Variants in ZSWIM6 observed in about 807,000 individuals in gnomAD.
ZSWIM6 encodes the protein zinc finger SWIM domain-containing protein 6.
Under a neutral mutation model 113.2 loss-of-function variants are expected in ZSWIM6, and 9 were observed. The observed-to-expected ratio is 0.08, with a 90% CI of 0.05 to 0.14. The LOEUF is 0.14. ZSWIM6 is among the 10% of genes least tolerant of loss of function. The pLI is 1.00. For synonymous variants in ZSWIM6, 611 were observed against 606.5 expected, an observed-to-expected ratio of 1.01 and a Z score of -0.11; for missense variants, 1,162 against 1,552.2, an observed-to-expected ratio of 0.75 and a Z score of 4.22.
chr5:61,342,414 GCCATATGAGTTAGGGA>G (rs914138667), intron 1 of ZSWIM6, among the ~76,000 whole-genome samples: 6 of 152,122 alleles, frequency 3.9e-5, no homozygotes, highest in Admixed American at 2.6e-4. Flanking sequence ...TTTCTTAACA[GCCATATGAGTTAGGGA>G]CCATTATTGT....
rs750163289 is a variant in ZSWIM6 at position 61,544,339 on chromosome 5, G to C, written c.*22G>C. ...TTGATAGATCTTGTATGAATGGGGT[G>C]GGGGGTGGGGATGGGAGGGATGGTT... On this transcript the variant is annotated 3_prime_UTR_variant, in exon 14 of 14. Coordinates refer to ENST00000252744, the MANE Select transcript of ZSWIM6 (RefSeq NM_020928.2). The C allele has an allele frequency of 3.6e-5, 5 of 137,736 alleles. No homozygotes were observed. The highest frequency in any genetic ancestry group is 2.2e-4 in the South Asian group (1 of 4,480). The allele number at this position is 137,736 out of a possible 1,614,324, so 8.5% of individuals were successfully genotyped here.
At chr5:61,365,934 T>A (rs1158228493) in intron 1 of ZSWIM6, among the ~76,000 whole-genome samples, 2 of 152,290 alleles carry the variant, frequency 1.3e-5, no homozygotes, top group Admixed American at 6.5e-5. Context: ...TCTTTTTTTT[T>A]AAGATGGTCT....
At chr5:61,499,917 A>G (rs1241305455) in intron 4 of ZSWIM6, among the ~76,000 whole-genome samples, 1 of 152,072 alleles carries the variant, frequency 6.6e-6, no homozygotes, top group Non-Finnish European at 1.5e-5. Flanking sequence ...GTGTTGTTTT[A>G]TTTAATCCCT....
chr5:61,336,120 C>T (rs1480477524), intron 1 of ZSWIM6, among the ~76,000 whole-genome samples: 3 of 152,016 alleles, frequency 2.0e-5, no homozygotes, highest in East Asian at 3.9e-4. Flanking sequence ...AGAACTTAGC[C>T]AGGCATGGTG....
At chr5:61,357,611 C>T (rs1281935764) in intron 1 of ZSWIM6, among the ~76,000 whole-genome samples, 1 of 151,578 alleles carries the variant, frequency 6.6e-6, no homozygotes, top group Admixed American at 6.6e-5. Context: ...CAGTGATCAG[C>T]TCACTTGAGA....
chr5:61,407,187 C>T (rs371905212), intron 1 of ZSWIM6, among the ~76,000 whole-genome samples: 1 of 152,032 alleles, frequency 6.6e-6, no homozygotes, highest in East Asian at 1.9e-4. Context: ...CCTCTGAGCC[C>T]CACTTTTACA....
At chr5:61,334,609 T>C (rs1348701438) in intron 1 of ZSWIM6, among the ~76,000 whole-genome samples, 6 of 152,196 alleles carry the variant, frequency 3.9e-5, no homozygotes, top group Admixed American at 3.9e-4. Flanking sequence ...TCTGCAAACG[T>C]GGTTTTCTGC....
intron 1 of ZSWIM6, among the ~76,000 whole-genome samples, chr5:61,426,068 C>T (rs898885639): frequency 6.6e-6 from 1 of 152,156 alleles, no homozygotes; most frequent in Non-Finnish European, 1.5e-5. Context: ...GCTATGGAAA[C>T]CTGGAGGCTG....
chr5:61,542,729 T>A (rs1444582918), intron 13 of ZSWIM6, among the ~76,000 whole-genome samples: 1 of 152,210 alleles, frequency 6.6e-6, no homozygotes, highest in Non-Finnish European at 1.5e-5. Flanking sequence ...CTTTACATCA[T>A]TAAAGTCATG....
At chr5:61,483,690 A>T (rs1036571281) in intron 2 of ZSWIM6, among the ~76,000 whole-genome samples, 1 of 150,480 alleles carries the variant, frequency 6.6e-6, no homozygotes, top group African/African-American at 2.4e-5. Flanking sequence ...AACAGGATGA[A>T]ACCCCGTCTC....
intron 1 of ZSWIM6, among the ~76,000 whole-genome samples, chr5:61,407,122 T>C (rs181590173): frequency 0.012 from 1,762 of 152,292 alleles, 38 homozygotes; most frequent in African/African-American, 0.04. Flanking sequence ...GGAAAACATA[T>C]CTTACTTTAT....
intron 1 of ZSWIM6, among the ~76,000 whole-genome samples, chr5:61,393,594 C>T (rs1016053073): frequency 5.9e-5 from 9 of 151,904 alleles, no homozygotes; most frequent in African/African-American, 1.7e-4. Flanking sequence ...ACTTTTAGGC[C>T]GGGCGTGGTG....
intron 1 of ZSWIM6, among the ~76,000 whole-genome samples, chr5:61,464,940 C>T (rs1344986524): frequency 6.6e-6 from 1 of 152,196 alleles, no homozygotes; most frequent in Non-Finnish European, 1.5e-5. Flanking sequence ...TTCATCTGCA[C>T]TTCAGAATTT....
chr5:61,406,837 TG>T (rs1335785866), intron 1 of ZSWIM6, among the ~76,000 whole-genome samples: 3 of 151,986 alleles, frequency 2.0e-5, no homozygotes, highest in Non-Finnish European at 2.9e-5. Flanking sequence ...CTCAGCCTCC[TG>T]AGTAGCTGGG....
chr5:61,432,358 A>C (rs1746603230), intron 1 of ZSWIM6, among the ~76,000 whole-genome samples: 1 of 152,252 alleles, frequency 6.6e-6, no homozygotes, highest in African/African-American at 2.4e-5. Context: ...TAAAAGAAAG[A>C]GAGAAAGAAG....
chr5:61,471,758 C>T (rs1041259717), intron 1 of ZSWIM6, among the ~76,000 whole-genome samples: 2 of 152,182 alleles, frequency 1.3e-5, no homozygotes, highest in African/African-American at 4.8e-5. Flanking sequence ...CATCCTGAAA[C>T]CATTCCCTTC....
chr5:61,382,516 A>C (rs928093466), intron 1 of ZSWIM6, among the ~76,000 whole-genome samples: 17 of 152,146 alleles, frequency 1.1e-4, no homozygotes, highest in Non-Finnish European at 7.4e-5. Context: ...AGAAAGAAAA[A>C]ATTTGGGCTG....
intron 2 of ZSWIM6, among the ~76,000 whole-genome samples, chr5:61,487,695 G>A (rs1473875795): frequency 3.3e-5 from 5 of 151,848 alleles, no homozygotes; most frequent in South Asian, 2.1e-4. Context: ...TGTTATTGGC[G>A]TATAGAAACA....
At position 61,500,320 on chromosome 5, in the gene ZSWIM6, G is replaced by A. The variant is rs1748432671; in HGVS notation, c.1333+5910G>A. Among the ~76,000 whole-genome samples, 3 of 151,774 alleles carry A rather than the reference G, an allele frequency of 2.0e-5. No homozygotes were observed. In the South Asian group the frequency reaches 6.2e-4, roughly 32 times the overall value. ...TTTTTGTATTTTTAGTAGAGATGGG[G>A]TTTCACTACGTTAACCAGGCTGGTC... On this transcript the variant is annotated intron_variant, in intron 4 of 13. Coordinates refer to ENST00000252744, the MANE Select transcript of ZSWIM6 (RefSeq NM_020928.2).
Sources: gnomAD v4.1 joint callset for allele counts (sites outside exome capture counted in the v4.1 genomes callset) on GRCh38, gnomAD v4.1.1 for gene constraint, MANE v1.5 for transcripts, NCBI Gene and HGNC (gene_info 2026-07-23, HGNC 2026-07-21) for gene names.